The following TBC1D20 variants were observed in gnomAD, a reference collection of about 807,000 sequenced individuals.
TBC1D20 encodes the protein chromosome 20 open reading frame 140.
TBC1D20 carries 12 observed loss-of-function variants against 41.6 expected under a neutral mutation model. The observed-to-expected ratio is 0.29, with a 90% CI of 0.18 to 0.47. The LOEUF is 0.47. Ranked by LOEUF, TBC1D20 falls within the 20% of genes least tolerant of loss-of-function variation. TBC1D20 has a pLI of 1.00. For missense variants in TBC1D20, 421 were observed against 517.4 expected (o/e 0.81, Z 1.81); for synonymous variants, 205 against 204.8 (o/e 1.00, Z -0.01).
rs1487816231 is a variant in TBC1D20 at position 438,470 on chromosome 20, A to G, written c.*116T>C. The G allele has an allele frequency of 1.8e-5, 23 of 1,247,954 alleles. No homozygotes were observed. Among genetic ancestry groups the G allele is most frequent in the Non-Finnish European group, 2.4e-5 (22 of 899,152 alleles). 77.3% of individuals were successfully genotyped at this position (1,247,954 alleles called of 1,614,324 possible). ...ACACAAACGGGCAGGGCAGGGTGGC[A>G]GGAATAAAAAACTCTGGACAGAAAC... On this transcript the variant is annotated 3_prime_UTR_variant, in exon 8 of 8. Coordinates refer to ENST00000354200, the MANE Select transcript of TBC1D20 (RefSeq NM_144628.4).
chr20:441,957 A>C lies in TBC1D20; in HGVS notation c.424T>G (p.Tyr142Asp). 6.2e-7 allele frequency: 1 copy of C among 1,614,054 alleles called. No individual in the cohort carries two copies. The highest frequency in any genetic ancestry group is 2.2e-5 in the East Asian group (1 of 44,876). ...LILERNPQLH[Y>D]YQGYHDIVVT... is the part of the protein sequence containing the mutation. ...ACAATGTCATGGTAGCCCTGGTAGT[A>C]GTGCAGCTGAGGGTTGCGCTCCAAG... Residue 142 changes from tyrosine (Y) to aspartate (D), a missense_variant, in exon 4 of 8, where the codon TAC (tyrosine) becomes GAC (aspartate). This residue lies in a region of TBC1D20 where 110 missense variants were observed against 183.5 expected (regional missense o/e 0.60). Coordinates refer to ENST00000354200, the MANE Select transcript of TBC1D20 (RefSeq NM_144628.4).
rs150857495 is a variant in TBC1D20, at chr20:460,043, C to T, written c.70+2293G>A. ...CATATATTTTTTCATATCACCAAAACAAATACTAACTTGGATCAACTAATT... is the reference window on the plus strand; with the variant it reads ...CATATATTTTTTCATATCACCAAAATAAATACTAACTTGGATCAACTAATT... On this transcript the variant is annotated intron_variant, in intron 1 of 7. Transcript: ENST00000354200. Among the ~76,000 whole-genome samples, 5 of 152,124 alleles carry T rather than the reference C, an allele frequency of 3.3e-5. No individual in the cohort carries two copies. In the East Asian group the frequency reaches 9.6e-4, roughly 29 times the overall value.
intron 1 of TBC1D20, among the ~76,000 whole-genome samples, chr20:451,112 G>C (rs970740361): frequency 5.3e-5 from 8 of 152,198 alleles, no homozygotes; most frequent in African/African-American, 1.7e-4. Context: ...TAATGGCCAA[G>C]AGCTCAAAGA....
chr20:462,460 A>G lies in TBC1D20; in HGVS notation c.-55T>C. On this transcript the variant is annotated 5_prime_UTR_variant, in exon 1 of 8. Transcript: ENST00000354200. ...CCCGGCTGGTGGCGGAGCCGGGAGAAGACGCGGCTCCGACCGCGGGACGTA... is the reference window on the plus strand; with the variant it reads ...CCCGGCTGGTGGCGGAGCCGGGAGAGGACGCGGCTCCGACCGCGGGACGTA... The G allele has an allele frequency of 9.3e-7, 1 of 1,075,144 alleles. No homozygotes were observed. Among genetic ancestry groups the G allele is most frequent in the Non-Finnish European group, 1.2e-6 (1 of 851,540 alleles). 66.6% of individuals were successfully genotyped at this position (1,075,144 alleles called of 1,614,324 possible). A position where few individuals can be genotyped will look rare whatever the true frequency, so the allele number is the denominator to read the frequency against.
rs2017104868 is a variant in TBC1D20, at chr20:435,679, AG to A, written c.*2906del. The A allele has an allele frequency of 6.5e-6, 1 of 153,194 alleles. No homozygotes were observed. Among genetic ancestry groups the A allele is most frequent in the African/African-American group, 2.4e-5 (1 of 41,442 alleles). 9.5% of individuals were successfully genotyped at this position (153,194 alleles called of 1,614,324 possible). A position where few individuals can be genotyped will look rare whatever the true frequency, so the allele number is the denominator to read the frequency against. ...CCTCCCTCCACATGTTCAGCTCTTC[AG>A]AAGCTCCCGTGTTCCTGGGCCTTTT... On this transcript the variant is annotated 3_prime_UTR_variant, in exon 8 of 8. Coordinates refer to ENST00000354200, the MANE Select transcript of TBC1D20 (RefSeq NM_144628.4).
At chr20:445,239 T>A in intron 2 of TBC1D20, 109 bp from the exon 3 acceptor site, 1 of 749,714 alleles carries the variant, frequency 1.3e-6, no homozygotes, top group Non-Finnish European at 2.3e-6. Context: ...CAGCTTCTCC[T>A]GAAGAGGATG....
intron 1 of TBC1D20, 63 bp downstream of exon 1, chr20:462,272 AG>A: frequency 8.8e-7 from 1 of 1,140,004 alleles, no homozygotes; most frequent in Non-Finnish European, 1.1e-6. Flanking sequence ...CGCCTCCGCC[AG>A]CTGCCCCTGC....
intron 3 of TBC1D20, 54 bp from the exon 4 acceptor site, chr20:442,097 G>A: frequency 6.8e-7 from 1 of 1,463,112 alleles, no homozygotes; most frequent in Non-Finnish European, 9.2e-7. Context: ...TAGTTAACAA[G>A]GAGGTCGAAG....
At chr20:444,792 T>C (rs2017300871) in intron 3 of TBC1D20, among the ~76,000 whole-genome samples, 1 of 152,142 alleles carries the variant, frequency 6.6e-6, no homozygotes, top group Non-Finnish European at 1.5e-5. Flanking sequence ...TAACAATCCT[T>C]ATTAACTCCT....
At chr20:449,578 A>G (rs557178204) in intron 1 of TBC1D20, among the ~76,000 whole-genome samples, 1 of 152,072 alleles carries the variant, frequency 6.6e-6, no homozygotes, top group African/African-American at 2.4e-5. Flanking sequence ...CCTGGGCGAC[A>G]AAGTGAGACT....
intron 1 of TBC1D20, among the ~76,000 whole-genome samples, chr20:459,311 G>C (rs2017592336): frequency 6.6e-6 from 1 of 152,210 alleles, no homozygotes; most frequent in Non-Finnish European, 1.5e-5. Flanking sequence ...TTCTGGACTT[G>C]AGAACGCTGT....
Position 439,167 on chromosome 20 carries a change from A to C in TBC1D20, c.897T>G (p.Phe299Leu). 6.2e-7 allele frequency: 1 copy of C among 1,614,158 alleles called. No individual in the cohort carries two copies. Among genetic ancestry groups the C allele is most frequent in the South Asian group, 1.1e-5 (1 of 91,070 alleles). Reference protein sequence around the residue: ...ETLISRAGDLFVQFPPSELAR... With the variant: ...ETLISRAGDLLVQFPPSELAR... ...CAAGTTCGGATGGGGGAAACTGAACAAAAAGGTCTCCTGCTCTGCTGATCA... is the reference window on the plus strand; with the variant it reads ...CAAGTTCGGATGGGGGAAACTGAACCAAAAGGTCTCCTGCTCTGCTGATCA... The change falls in exon 7 of 8, where the codon TTT (phenylalanine) becomes TTG (leucine). Residue 299 changes from phenylalanine to leucine, a missense_variant. By Grantham distance (22) the Phe-to-Leu change is conservative. Around this residue, in one of 3 missense-constraint regions of TBC1D20, gnomAD observed 161 missense variants for 182.7 expected, o/e 0.88. Transcript: ENST00000354200. This position sits in a 1 kb window ranked among gnomAD's most constrained non-coding sequence, Gnocchi z 4.6.
At chr20:440,847 T>C (rs568043968) in intron 5 of TBC1D20, 149 of 154,622 alleles carry the variant, frequency 9.6e-4, no homozygotes, top group Non-Finnish European at 1.6e-3. Context: ...TCTCAGCACT[T>C]TGGGAGGCCA....
rs2017150397 is a variant in TBC1D20, at chr20:437,957, C to CCTT, written c.*626_*628dup. Reference sequence around the variant, plus strand: ...AGGTCTAGGCCCTAAAAATGAGCTTCCTTCCCACTTGACTGGAAACGCCCA... The same window carrying CCTT: ...AGGTCTAGGCCCTAAAAATGAGCTTCCTTCTTCCCACTTGACTGGAAACGCCCA... On this transcript the variant is annotated 3_prime_UTR_variant, in exon 8 of 8. Coordinates refer to ENST00000354200, the MANE Select transcript of TBC1D20 (RefSeq NM_144628.4). The CCTT allele has an allele frequency of 6.5e-6, 1 of 153,358 alleles. No homozygotes were observed. The highest frequency in any genetic ancestry group is 2.4e-5 in the African/African-American group (1 of 41,422). The allele number at this position is 153,358 out of a possible 1,614,324, so 9.5% of individuals were successfully genotyped here.
At chr20:451,554 AAAAT>A (rs761242703) in intron 1 of TBC1D20, among the ~76,000 whole-genome samples, 1 of 152,156 alleles carries the variant, frequency 6.6e-6, no homozygotes. Context: ...TCTCAAAAGA[AAAAT>A]AAATAAATAA....
rs1299082135 is a variant in TBC1D20, at chr20:436,003, T to C, written c.*2583A>G. Reference sequence around the variant, plus strand: ...GTCCCAACATTATAACAAAGGGTTATGGGAGTGATGAACCAGGAACTGTGG... The same window carrying C: ...GTCCCAACATTATAACAAAGGGTTACGGGAGTGATGAACCAGGAACTGTGG... On this transcript the variant is annotated 3_prime_UTR_variant, in exon 8 of 8. Transcript: ENST00000354200. 6.6e-6 allele frequency: 1 copy of C among 152,252 alleles called. No homozygotes were observed. The highest frequency in any genetic ancestry group is 6.5e-5 in the Admixed American group (1 of 15,272). The allele number at this position is 152,252 out of a possible 1,614,324, so 9.4% of individuals were successfully genotyped here.
chr20:460,370 T>A (rs2017608390), intron 1 of TBC1D20, among the ~76,000 whole-genome samples: 2 of 149,196 alleles, frequency 1.3e-5, no homozygotes, highest in South Asian at 4.2e-4. Context: ...AGTTGGGAGA[T>A]GACAGTGAGC....
rs562266235 is a variant in TBC1D20 at position 462,087 on chromosome 20, T to C, written c.70+249A>G. Among the ~76,000 whole-genome samples, 1,049 of 152,284 alleles carry C rather than the reference T, an allele frequency of 6.9e-3. 5 individuals are homozygous for C. Among genetic ancestry groups the C allele is most frequent in the Non-Finnish European group, 9.9e-3 (673 of 67,998 alleles). On this transcript the variant is annotated intron_variant, in intron 1 of 7. Coordinates refer to ENST00000354200, the MANE Select transcript of TBC1D20 (RefSeq NM_144628.4). ...GGCGCGAAGCCGCCGCCCGCTCTTC[T>C]GCCTGGGGACGCGACTCTGCCGCCA...
chr20:449,324 C>T (rs376195681), intron 1 of TBC1D20, among the ~76,000 whole-genome samples: 77 of 139,476 alleles, frequency 5.5e-4, no homozygotes, highest in Middle Eastern at 7.9e-3. Flanking sequence ...AGGCTGGGCA[C>T]GGTGGCTCAT....
Sources: allele counts gnomAD v4.1 joint callset (sites outside exome capture counted in the v4.1 genomes callset), GRCh38; gene constraint gnomAD v4.1.1; regional missense constraint gnomAD v4.1.1; non-coding constraint Gnocchi (gnomAD v3.1); transcripts MANE v1.5; gene names NCBI Gene and HGNC (gene_info 2026-07-23, HGNC 2026-07-21).